The following CLCN5 variants were observed in gnomAD, a reference collection of about 807,000 sequenced individuals.
CLCN5 encodes the protein H(+)/Cl(-) exchange transporter 5.
A neutral mutation model predicts 54.0 loss-of-function variants in CLCN5; 17 were observed. The observed-to-expected ratio is 0.31, with a 90% CI of 0.22 to 0.47. The LOEUF (loss-of-function observed/expected upper bound fraction) is 0.47. Ranked by LOEUF, CLCN5 falls within the 20% of genes least tolerant of loss-of-function variation. The pLI is 1.00. For missense variants in CLCN5, 448 were observed against 646.7 expected (o/e 0.69, Z 3.33); for synonymous variants, 222 against 233.0 (o/e 0.95, Z 0.43).
At chrX:49,942,129 TA>T (rs1350698737) in intron 3 of CLCN5, among the ~76,000 whole-genome samples, 4 of 89,659 alleles carry the variant, frequency 4.5e-5, no homozygotes, top group African/African-American at 1.7e-4. Context: ...TTCTTTTTTT[TA>T]ATCTTGATTA....
intron 3 of CLCN5, among the ~76,000 whole-genome samples, chrX:50,015,071 A>G (rs782217978): frequency 1.8e-5 from 2 of 111,204 alleles, no homozygotes; most frequent in East Asian, 2.8e-4. Context: ...CTGAGTGCAT[A>G]TATGTCTCTT....
chrX:49,955,384 A>G (rs1394705818), intron 3 of CLCN5, among the ~76,000 whole-genome samples: 1 of 107,037 alleles, frequency 9.3e-6, no homozygotes, highest in Non-Finnish European at 1.9e-5. Context: ...TGTTTTACAG[A>G]GTTGGCATGT....
intron 4 of CLCN5, among the ~76,000 whole-genome samples, chrX:50,066,002 G>T (rs1436611303): frequency 1.1e-5 from 1 of 88,889 alleles, no homozygotes; most frequent in African/African-American, 4.4e-5. Flanking sequence ...TCACACTCTG[G>T]GGACTGTGGT....
intron 3 of CLCN5, among the ~76,000 whole-genome samples, chrX:49,953,096 G>C (rs1298729294): frequency 9.0e-6 from 1 of 110,899 alleles, no homozygotes; most frequent in Admixed American, 9.6e-5. Context: ...TGTTGGTCAG[G>C]CTGGTCTTGA....
intron 4 of CLCN5, among the ~76,000 whole-genome samples, chrX:50,063,571 C>A (rs1403194595): frequency 4.7e-4 from 50 of 107,202 alleles, no homozygotes; most frequent in Non-Finnish European, 8.0e-4. Context: ...GCCGAATTCT[C>A]CCAGAGGTAC....
chrX:49,972,027 A>G (rs782558375), intron 3 of CLCN5, among the ~76,000 whole-genome samples: 45 of 110,888 alleles, frequency 4.1e-4, no homozygotes, highest in Admixed American at 3.0e-3. Flanking sequence ...AAAAGTACAA[A>G]GAACACTCTT....
chrX:50,039,588 T>C (rs1284864635), intron 3 of CLCN5, among the ~76,000 whole-genome samples: 3 of 112,407 alleles, frequency 2.7e-5, no homozygotes, highest in South Asian at 3.7e-4. Context: ...AGTTTCATCA[T>C]TAAAAAACAA....
In CLCN5 at chrX:49,981,178, G is replaced by A. The variant is rs189258538; in HGVS notation, c.16+55864G>A. ...AAAAGCTTGAATCCTTGACTCATCT[G>A]GAATGAATTTTAATTGTTTCCCCAA... On this transcript the variant is annotated intron_variant, in intron 3 of 14. Transcript: ENST00000376091. 3.8e-3 allele frequency among the ~76,000 whole-genome samples: 428 copies of A among 111,290 alleles called. 4 individuals carry two copies. Among genetic ancestry groups the A allele is most frequent in the African/African-American group, 0.013 (400 of 30,726 alleles).
intron 3 of CLCN5, among the ~76,000 whole-genome samples, chrX:50,007,350 C>T (rs1930203713): frequency 9.4e-6 from 1 of 106,652 alleles, no homozygotes. Flanking sequence ...ACTCACAGGG[C>T]CAGATGCCCC....
Position 49,937,894 on chromosome X carries a change from C to G in CLCN5, c.16+12580C>G, listed in dbSNP as rs1461965670. ...TTGAAGTAGAGAAGATATAAATTAC[C>G]TAATATTTACCTGATAATGTTTGGA... On this transcript the variant is annotated intron_variant, in intron 3 of 14. Coordinates refer to ENST00000376091, the MANE Select transcript of CLCN5 (RefSeq NM_001127898.4). Among the ~76,000 whole-genome samples the G allele has an allele frequency of 6.3e-5, 7 of 111,469 alleles. No homozygotes were observed. The Admixed American group carries it at 6.7e-4, about 11-fold the overall frequency.
chrX:49,944,437 C>A (rs1408652775), intron 3 of CLCN5, among the ~76,000 whole-genome samples: 1 of 111,438 alleles, frequency 9.0e-6, no homozygotes. Context: ...ACTTCCAACA[C>A]TATGTTGAAT....
At chrX:50,062,075 G>A (rs1241410423) in intron 4 of CLCN5, among the ~76,000 whole-genome samples, 6 of 107,206 alleles carry the variant, frequency 5.6e-5, no homozygotes, top group African/African-American at 7.0e-5. Context: ...AAAGACCATC[G>A]AGACTAGGAA....
intron 14 of CLCN5, among the ~76,000 whole-genome samples, chrX:50,091,746 G>C (rs1417857765): frequency 8.9e-6 from 1 of 112,212 alleles, no homozygotes; most frequent in African/African-American, 3.2e-5. Flanking sequence ...CCACTGAGGA[G>C]GCCTGCAAAG....
intron 3 of CLCN5, among the ~76,000 whole-genome samples, chrX:50,007,978 G>A (rs1930288266): frequency 8.9e-6 from 1 of 112,054 alleles, no homozygotes; most frequent in South Asian, 3.7e-4. Flanking sequence ...TCCCAGTGTA[G>A]TCCCTGGACC....
chrX:49,925,402 G>T, intron 3 of CLCN5, 88 bp downstream of exon 3: 1 of 905,320 alleles, frequency 1.1e-6, no homozygotes. Context: ...CCAGCCAATG[G>T]CAGGCAGCCA....
At chrX:50,057,919 T>C (rs990377923) in intron 4 of CLCN5, among the ~76,000 whole-genome samples, 10 of 110,819 alleles carry the variant, frequency 9.0e-5, no homozygotes, top group South Asian at 3.9e-4. Context: ...AGATCTAGAA[T>C]GGATGAACCA....
chrX:50,081,519 G>T, intron 8 of CLCN5, 122 bp from the exon 9 acceptor site: 2 of 556,782 alleles, frequency 3.6e-6, no homozygotes, highest in South Asian at 5.0e-5. Flanking sequence ...ATCACTGTAG[G>T]TCAAGCATTT....
intron 3 of CLCN5, among the ~76,000 whole-genome samples, chrX:49,980,441 A>G (rs1181138817): frequency 1.8e-5 from 2 of 112,236 alleles, no homozygotes; most frequent in Non-Finnish European, 3.8e-5. Context: ...AATGGCTGAA[A>G]TAAAATGGAG....
chrX:50,052,494 T>C (rs1235842850), intron 4 of CLCN5, among the ~76,000 whole-genome samples: 1 of 111,838 alleles, frequency 8.9e-6, no homozygotes, highest in African/African-American at 3.2e-5. Context: ...TATTAATCTG[T>C]AGTTTTCCTT....
Sources: gnomAD v4.1 joint callset for allele counts (sites outside exome capture counted in the v4.1 genomes callset) on GRCh38, gnomAD v4.1.1 for gene constraint, MANE v1.5 for transcripts, NCBI Gene and HGNC (gene_info 2026-07-23, HGNC 2026-07-21) for gene names.